ARHGAP12: variants seen among roughly 807,000 people sequenced by gnomAD.
ARHGAP12 encodes Rho GTPase activating protein 12.
ARHGAP12 carries 64 observed loss-of-function variants against 108.6 expected under a neutral mutation model. The observed-to-expected ratio is 0.59, with a 90% CI of 0.48 to 0.73. ARHGAP12 has a LOEUF of 0.73. Among genes scored for constraint, ARHGAP12 ranks in the 30% least tolerant of loss-of-function variants. The probability of loss-of-function intolerance (pLI) is 0.00; values close to 1 mark genes in which losing one functional copy is unlikely to be tolerated. For missense variants in ARHGAP12, 940 were observed against 1,005.9 expected, an observed-to-expected ratio of 0.93 and a Z score of 0.89; for synonymous variants, 312 against 337.2, an observed-to-expected ratio of 0.93 and a Z score of 0.82.
At chr10:31,827,550 G>A (rs1340706461) in intron 10 of ARHGAP12, among the ~76,000 whole-genome samples, 1 of 152,116 alleles carries the variant, frequency 6.6e-6, no homozygotes, top group Non-Finnish European at 1.5e-5. Context: ...CCAGCACTTT[G>A]GGAGGCCGAG....
intron 3 of ARHGAP12, among the ~76,000 whole-genome samples, chr10:31,884,347 T>C (rs901799855): frequency 1.3e-5 from 2 of 152,128 alleles, no homozygotes; most frequent in African/African-American, 2.4e-5. Flanking sequence ...GGCACAGTTT[T>C]ACATTTTTAC....
At chr10:31,827,786 G>A (rs1174301790) in intron 10 of ARHGAP12, among the ~76,000 whole-genome samples, 7 of 146,960 alleles carry the variant, frequency 4.8e-5, no homozygotes, top group Admixed American at 6.8e-5. Flanking sequence ...GTGAGACTCC[G>A]TCACCCAGAA....
intron 10 of ARHGAP12, among the ~76,000 whole-genome samples, chr10:31,831,191 C>T (rs866266683): frequency 1.3e-5 from 2 of 152,138 alleles, no homozygotes; most frequent in Non-Finnish European, 2.9e-5. Flanking sequence ...CTATATAGTA[C>T]AGCCAAACAA....
chr10:31,869,455 T>C (rs1035516801), intron 3 of ARHGAP12, among the ~76,000 whole-genome samples: 2 of 152,050 alleles, frequency 1.3e-5, no homozygotes, highest in Non-Finnish European at 2.9e-5. Flanking sequence ...GAGAATTGCG[T>C]GAACCTGGGA....
At chr10:31,872,197 A>T (rs771934819) in intron 3 of ARHGAP12, among the ~76,000 whole-genome samples, 2 of 152,160 alleles carry the variant, frequency 1.3e-5, no homozygotes, top group Non-Finnish European at 2.9e-5. Context: ...ATAATCTATC[A>T]TGAAATCCAC....
At chr10:31,849,724 G>T (rs1836599832) in intron 6 of ARHGAP12, among the ~76,000 whole-genome samples, 1 of 152,136 alleles carries the variant, frequency 6.6e-6, no homozygotes, top group Non-Finnish European at 1.5e-5. Flanking sequence ...GACACTTTAT[G>T]CTAAGCAGCA....
At chr10:31,822,834 C>T (rs1835464468) in intron 11 of ARHGAP12, among the ~76,000 whole-genome samples, 2 of 151,988 alleles carry the variant, frequency 1.3e-5, no homozygotes, top group Non-Finnish European at 2.9e-5. Flanking sequence ...CTCTGGGGGA[C>T]ATCTGGTAAC....
At chr10:31,918,392 G>A (rs981778853) in intron 1 of ARHGAP12, among the ~76,000 whole-genome samples, 1 of 149,118 alleles carries the variant, frequency 6.7e-6, no homozygotes, top group Non-Finnish European at 1.5e-5. Flanking sequence ...CCAACAGGAC[G>A]GCTATCATTT....
chr10:31,862,211 A>C (rs972872544), intron 3 of ARHGAP12, among the ~76,000 whole-genome samples: 3 of 152,226 alleles, frequency 2.0e-5, no homozygotes, highest in South Asian at 4.1e-4. Flanking sequence ...AATAATACTT[A>C]AGCTAAGAAT....
At chr10:31,884,827 A>AAG (rs1209678823) in intron 3 of ARHGAP12, among the ~76,000 whole-genome samples, 5 of 152,374 alleles carry the variant, frequency 3.3e-5, no homozygotes, top group Admixed American at 6.5e-5. Flanking sequence ...GCTCATGACA[A>AAG]CAAATCTAAG....
chr10:31,816,484 C>T (rs1417864622), intron 13 of ARHGAP12, among the ~76,000 whole-genome samples: 1 of 152,138 alleles, frequency 6.6e-6, no homozygotes, highest in African/African-American at 2.4e-5. Flanking sequence ...CTGTGTGCTG[C>T]TATGTCCCCA....
At position 31,818,531 on chromosome 10, in the gene ARHGAP12, G is replaced by A. The variant is rs2132162504; in HGVS notation, c.1633-645C>T. ...GTTTTGCAGTTTCTTAAACTTAAGT[G>A]AGGAAGAATTTTGACACATTTGTGG... On this transcript the variant is annotated intron_variant, in intron 12 of 19. Coordinates refer to ENST00000344936, the MANE Select transcript of ARHGAP12 (RefSeq NM_018287.7). Among the ~76,000 whole-genome samples the A allele has an allele frequency of 2.6e-5, 4 of 152,256 alleles. 1 individual carries two copies. The Middle Eastern group carries it at 0.014, about 518-fold the overall frequency.
At chr10:31,864,802 G>C (rs1248725598) in intron 3 of ARHGAP12, among the ~76,000 whole-genome samples, 1 of 152,148 alleles carries the variant, frequency 6.6e-6, no homozygotes, top group Admixed American at 6.5e-5. Context: ...AGGTGATTAG[G>C]CTACAAATTA....
intron 1 of ARHGAP12, among the ~76,000 whole-genome samples, chr10:31,921,358 C>G (rs541123199): frequency 6.6e-6 from 1 of 152,222 alleles, no homozygotes; most frequent in South Asian, 2.1e-4. Context: ...TGGGATACAG[C>G]TGAAGTAGTG....
intron 3 of ARHGAP12, among the ~76,000 whole-genome samples, chr10:31,892,534 A>G (rs569345022): frequency 2.0e-5 from 3 of 152,378 alleles, no homozygotes; most frequent in African/African-American, 7.2e-5. Context: ...AAAGGGATCA[A>G]TTCAACAAGA....
At chr10:31,895,359 C>G (rs12263536) in intron 3 of ARHGAP12, among the ~76,000 whole-genome samples, 2 of 152,180 alleles carry the variant, frequency 1.3e-5, no homozygotes, top group East Asian at 1.9e-4. Context: ...ATCTGACAAA[C>G]GGCTAATATC....
intron 9 of ARHGAP12, among the ~76,000 whole-genome samples, chr10:31,838,515 C>T (rs565422597): frequency 6.2e-4 from 94 of 151,980 alleles, no homozygotes; most frequent in Non-Finnish European, 1.1e-3. Flanking sequence ...GACCCCTTAT[C>T]TCCATAAAAA....
intron 14 of ARHGAP12, among the ~76,000 whole-genome samples, chr10:31,813,182 G>A (rs2151047): frequency 0.46 from 70,090 of 151,774 alleles, 16,453 homozygotes; most frequent in Middle Eastern, 0.51. Context: ...AAGGTAAAAT[G>A]ACCACCAAAA....
intron 3 of ARHGAP12, among the ~76,000 whole-genome samples, chr10:31,886,747 T>C (rs1022935704): frequency 1.4e-4 from 21 of 152,298 alleles, no homozygotes; most frequent in African/African-American, 5.1e-4. Context: ...AATGTGATTC[T>C]GATGAAACTG....
Sources: allele counts gnomAD v4.1 joint callset (sites outside exome capture counted in the v4.1 genomes callset), GRCh38; gene constraint gnomAD v4.1.1; transcripts MANE v1.5; gene names NCBI Gene and HGNC (gene_info 2026-07-23, HGNC 2026-07-21).